CLDN16: variants seen among roughly 807,000 people sequenced by gnomAD.
CLDN16 encodes the protein claudin-16.
CLDN16 carries 13 observed loss-of-function variants against 24.6 expected under a neutral mutation model. The observed-to-expected ratio is 0.53, with a 90% CI of 0.34 to 0.84. CLDN16 has a LOEUF of 0.84. Among genes scored for constraint, CLDN16 ranks in the 40% least tolerant of loss-of-function variants. The pLI, the probability that CLDN16 is intolerant of heterozygous loss-of-function variation, is 0.01. For missense variants in CLDN16, 298 were observed against 292.7 expected (o/e 1.02, Z -0.13); for synonymous variants, 116 against 106.7 (o/e 1.09, Z -0.54).
chr3:190,372,416 T>C (rs1036702028), intron 2 of CLDN16, among the ~76,000 whole-genome samples: 4 of 151,996 alleles, frequency 2.6e-5, no homozygotes, highest in South Asian at 2.1e-4. Context: ...GCTGATGCTG[T>C]AGTATCACTT....
chr3:190,362,674 A>C (rs1023328743), intron 1 of CLDN16, among the ~76,000 whole-genome samples: 5 of 151,988 alleles, frequency 3.3e-5, no homozygotes, highest in Non-Finnish European at 2.9e-5. Flanking sequence ...TTTTTGAAGA[A>C]TATTTTCAGT....
At chr3:190,406,739 C>CTTTTTT (rs35773061) in intron 3 of CLDN16, among the ~76,000 whole-genome samples, 3 of 107,432 alleles carry the variant, frequency 2.8e-5, no homozygotes, top group Non-Finnish European at 5.6e-5. Flanking sequence ...TATTATCTGG[C>CTTTTTT]TTTTTTTTTT....
intron 2 of CLDN16, among the ~76,000 whole-genome samples, chr3:190,403,115 G>T (rs1719004486): frequency 6.6e-6 from 1 of 152,114 alleles, no homozygotes; most frequent in Non-Finnish European, 1.5e-5. Flanking sequence ...ATCACTGGAG[G>T]TCAGGAGTTC....
chr3:190,341,983 C>G (rs1425053332), intron 1 of CLDN16, among the ~76,000 whole-genome samples: 1 of 152,222 alleles, frequency 6.6e-6, no homozygotes, highest in African/African-American at 2.4e-5. Context: ...TTATTTCCAT[C>G]TGAAACCACC....
chr3:190,390,499 A>G (rs900253074), intron 1 of CLDN16, among the ~76,000 whole-genome samples: 1 of 152,068 alleles, frequency 6.6e-6, no homozygotes, highest in African/African-American at 2.4e-5. Flanking sequence ...GTGCCACTGC[A>G]CTCCAGCCTG....
chr3:190,297,487 TA>T, the CLDN16 span, among the ~76,000 whole-genome samples: 2 of 113,898 alleles, frequency 1.8e-5, no homozygotes, highest in Admixed American at 9.3e-5. Context: ...CTATATATTA[TA>T]TATCTATATT....
At chr3:190,343,149 A>G (rs188365415) in intron 1 of CLDN16, among the ~76,000 whole-genome samples, 9 of 152,316 alleles carry the variant, frequency 5.9e-5, no homozygotes, top group African/African-American at 1.7e-4. Context: ...CTGGGTAAGG[A>G]CTGAAATACG....
At chr3:190,351,130 C>T (rs1281530676) in intron 1 of CLDN16, among the ~76,000 whole-genome samples, 1 of 151,822 alleles carries the variant, frequency 6.6e-6, no homozygotes, top group Non-Finnish European at 1.5e-5. Flanking sequence ...CCCCTTGGTC[C>T]CTCTCTTGCC....
intron 2 of CLDN16, among the ~76,000 whole-genome samples, chr3:190,402,823 T>A (rs1718998183): frequency 6.6e-6 from 1 of 152,152 alleles, no homozygotes; most frequent in African/African-American, 2.4e-5. Flanking sequence ...AGAGATGTTT[T>A]AAGCTATGAC....
chr3:190,346,815 C>T (rs1000487414), intron 1 of CLDN16, among the ~76,000 whole-genome samples: 1 of 152,136 alleles, frequency 6.6e-6, no homozygotes, highest in Admixed American at 6.6e-5. Context: ...ATGACATTCT[C>T]CCCTGTGTCT....
At chr3:190,307,118 GTATCAT>G in the CLDN16 span, 1 of 152,624 alleles carries the variant, frequency 6.6e-6, no homozygotes, top group Admixed American at 6.5e-5. Context: ...AACTGGTTAA[GTATCAT>G]TATCTCAATT....
At chr3:190,378,323 A>C (rs1718288245) in intron 3 of CLDN16, among the ~76,000 whole-genome samples, 1 of 151,960 alleles carries the variant, frequency 6.6e-6, no homozygotes, top group African/African-American at 2.4e-5. Context: ...AAGAGACAAA[A>C]ATGAGAGAAG....
intron 1 of CLDN16, among the ~76,000 whole-genome samples, chr3:190,366,210 A>T (rs1278580838): frequency 6.6e-6 from 1 of 151,924 alleles, no homozygotes; most frequent in East Asian, 1.9e-4. Context: ...ATTAGGATTT[A>T]TAGCTTTTAG....
intron 1 of CLDN16, among the ~76,000 whole-genome samples, chr3:190,353,827 C>A (rs1163555307): frequency 1.3e-5 from 2 of 152,060 alleles, no homozygotes; most frequent in Non-Finnish European, 2.9e-5. Flanking sequence ...ATCTTACCTT[C>A]AACTCATGGT....
At chr3:190,300,609 G>A in the CLDN16 span, among the ~76,000 whole-genome samples, 11 of 152,320 alleles carry the variant, frequency 7.2e-5, no homozygotes, top group African/African-American at 1.7e-4. Flanking sequence ...CACAAAGTCT[G>A]AAATATTTGC....
intron 1 of CLDN16, among the ~76,000 whole-genome samples, chr3:190,351,825 T>C (rs1198167983): frequency 6.6e-6 from 1 of 152,108 alleles, no homozygotes; most frequent in Non-Finnish European, 1.5e-5. Flanking sequence ...CTATTAGCAT[T>C]CTAAAAGGAA....
At chr3:190,350,879 C>T (rs1187403573) in intron 1 of CLDN16, among the ~76,000 whole-genome samples, 4 of 152,124 alleles carry the variant, frequency 2.6e-5, no homozygotes, top group African/African-American at 4.8e-5. Flanking sequence ...ACAATCTTTC[C>T]TCGCAGTCTT....
chr3:190,402,757 C>T (rs1050326241), intron 2 of CLDN16, among the ~76,000 whole-genome samples: 3 of 152,046 alleles, frequency 2.0e-5, no homozygotes, highest in Non-Finnish European at 4.4e-5. Context: ...GAAATAAACT[C>T]TTTAGGGTGC....
At chr3:190,335,890 G>T (rs1323522549) in intron 1 of CLDN16, among the ~76,000 whole-genome samples, 1 of 152,096 alleles carries the variant, frequency 6.6e-6, no homozygotes, top group African/African-American at 2.4e-5. Flanking sequence ...TAATTCTGGA[G>T]TTGAATCAGA....
Sources: gnomAD v4.1 joint callset for allele counts (sites outside exome capture counted in the v4.1 genomes callset) on GRCh38, gnomAD v4.1.1 for gene constraint, MANE v1.5 for transcripts, NCBI Gene and HGNC (gene_info 2026-07-23, HGNC 2026-07-21) for gene names.